Variants in ZNF425 observed in about 807,000 individuals in gnomAD.
ZNF425 encodes zinc finger protein 425.
ZNF425 carries 21 observed loss-of-function variants against 17.0 expected under a neutral mutation model. The ratio of observed to expected loss-of-function variants is 1.23; its 90% CI spans 0.88 to 1.78. ZNF425 has a LOEUF of 1.78. Among genes scored for constraint, ZNF425 ranks in the 40% most tolerant of loss-of-function variants. The pLI is 0.00. For missense variants in ZNF425, 868 were observed against 967.3 expected (o/e 0.90, Z 1.36); for synonymous variants, 433 against 384.1 (o/e 1.13, Z -1.49).
At chr7:149,120,314 G>A (rs182664723) in intron 1 of ZNF425, among the ~76,000 whole-genome samples, 2 of 152,278 alleles carry the variant, frequency 1.3e-5, no homozygotes, top group East Asian at 1.9e-4. Flanking sequence ...CCTGGGAGGC[G>A]TAGTTGGCAG....
At chr7:149,122,548 AATTT>A (rs1041549113) in intron 1 of ZNF425, among the ~76,000 whole-genome samples, 71 of 152,194 alleles carry the variant, frequency 4.7e-4, no homozygotes, top group African/African-American at 1.6e-3. Context: ...GATTATGTCC[AATTT>A]ATCACTTTTT....
rs1826062695 is a variant in ZNF425, at chr7:149,105,296, C to T, written c.575G>A (p.Cys192Tyr). The stretch of plus-strand genomic sequence containing the variant: ...TTGGAAGACTTTCCTACAGACATAG[C>T]AGGAATAGCATCTTGGCCCTGTGGG... The part of the protein sequence containing the change: ...EIPTGPRCYS[C>Y]YVCRKVFQVR... Residue 192 changes from cysteine (C) to tyrosine (Y), a missense_variant, in exon 4 of 4, where the codon TGC becomes TAC. Physicochemically the swap from Cys to Tyr is radical, Grantham distance 194. Coordinates refer to ENST00000378061, the MANE Select transcript of ZNF425 (RefSeq NM_001001661.3). 1 of 1,614,048 alleles carries T rather than the reference C, an allele frequency of 6.2e-7. No homozygotes were observed. The highest frequency in any genetic ancestry group is 1.1e-5 in the South Asian group (1 of 91,090).
chr7:149,124,461 G>A (rs1415260566), intron 1 of ZNF425, among the ~76,000 whole-genome samples: 1 of 152,130 alleles, frequency 6.6e-6, no homozygotes, highest in Non-Finnish European at 1.5e-5. Flanking sequence ...GGATGGCCTT[G>A]TTATTTTTAC....
At chr7:149,121,079 C>CTTTTT (rs75534831) in intron 1 of ZNF425, among the ~76,000 whole-genome samples, 40 of 62,782 alleles carry the variant, frequency 6.4e-4, no homozygotes, top group African/African-American at 1.0e-3. Context: ...TTTTACATTC[C>CTTTTT]TTTTTTTTTT....
chr7:149,108,018 A>G (rs111784615), intron 3 of ZNF425, among the ~76,000 whole-genome samples: 6,787 of 151,926 alleles, frequency 0.045, 512 homozygotes, highest in African/African-American at 0.15. Context: ...CTACAGGCAC[A>G]CACCATCATG....
chr7:149,104,835 T>TCATG lies in ZNF425; in HGVS notation c.1032_1035dup (p.Lys346HisfsTer46). ...CCGCTGTGCTGGGTCAGATGGACCTTCATGCCCCTCTTCAGGCGGAAGCAC... is the reference window on the plus strand; with the variant it reads ...CCGCTGTGCTGGGTCAGATGGACCTTCATGCATGCCCCTCTTCAGGCGGAAGCAC... On this transcript the variant is annotated frameshift_variant, in exon 4 of 4. Coordinates refer to ENST00000378061, the MANE Select transcript of ZNF425 (RefSeq NM_001001661.3). LOFTEE classifies it low-confidence loss of function (END_TRUNC). This position sits in a 1 kb window ranked among gnomAD's most constrained non-coding sequence, Gnocchi z 4.3. The TCATG allele has an allele frequency of 6.2e-7, 1 of 1,613,904 alleles. No individual in the cohort carries two copies. Among genetic ancestry groups the TCATG allele is most frequent in the Non-Finnish European group, 8.5e-7 (1 of 1,179,998 alleles).
In ZNF425 at chr7:149,103,599, T is replaced by C. The variant is rs193003122; in HGVS notation, c.*13A>G. ...TCCTGAAAGCCGACTGCGTGACTGCTGCATGGCCTGACCTAGAGGCTGGAG... is the reference window on the plus strand; with the variant it reads ...TCCTGAAAGCCGACTGCGTGACTGCCGCATGGCCTGACCTAGAGGCTGGAG... On this transcript the variant is annotated 3_prime_UTR_variant, in exon 4 of 4. Coordinates refer to ENST00000378061, the MANE Select transcript of ZNF425 (RefSeq NM_001001661.3). 1 of 1,577,434 alleles carries C rather than the reference T, an allele frequency of 6.3e-7. No homozygotes were observed. The highest frequency in any genetic ancestry group is 2.2e-5 in the East Asian group (1 of 44,722).
intron 3 of ZNF425, among the ~76,000 whole-genome samples, chr7:149,108,249 T>C (rs1309066766): frequency 6.6e-6 from 1 of 152,100 alleles, no homozygotes; most frequent in Admixed American, 6.6e-5. Flanking sequence ...TTTCACCATG[T>C]TGGCATTTTT....
intron 2 of ZNF425, chr7:149,113,170 T>C (rs1226830345): frequency 6.6e-6 from 1 of 151,492 alleles, no homozygotes; most frequent in Non-Finnish European, 1.5e-5. Flanking sequence ...AGACAGGGTT[T>C]CACCATGTTG....
At chr7:149,108,011 C>T (rs1826109783) in intron 3 of ZNF425, among the ~76,000 whole-genome samples, 2 of 151,992 alleles carry the variant, frequency 1.3e-5, no homozygotes, top group Admixed American at 6.6e-5. Flanking sequence ...GCTGGGACTA[C>T]AGGCACACAC....
chr7:149,118,236 GT>G lies in ZNF425; in HGVS notation c.130del (p.Thr44ProfsTer14), dbSNP rs763921614. On this transcript the variant is annotated frameshift_variant, in exon 2 of 4. Transcript: ENST00000378061. LOFTEE classifies it high-confidence loss of function. ...GCTCATCTTACCCAGGGAATCAAGG[GT>G]CTCGTAATTGGTCTTCATCTCTTGC... is the stretch of plus-strand genomic sequence containing the variant. ...YKQEMKTNYE[T>X]LDSLGYAFSK... 2 of 1,614,008 alleles carry G rather than the reference GT, an allele frequency of 1.2e-6. No homozygotes were observed. The highest frequency in any genetic ancestry group is 4.5e-5 in the East Asian group (2 of 44,870).
At chr7:149,119,272 G>T (rs1322891174) in intron 1 of ZNF425, among the ~76,000 whole-genome samples, 1 of 151,980 alleles carries the variant, frequency 6.6e-6, no homozygotes, top group African/African-American at 2.4e-5. Flanking sequence ...CACCATGCCT[G>T]GTTCGAGAGA....
In ZNF425 at chr7:149,105,027, T is replaced by C. The variant is rs1260588412; in HGVS notation, c.844A>G (p.Thr282Ala). The part of the protein sequence containing the change: ...RPYPCPECDK[T>A]FRYRANLKKH... ...TTCAGGTTGGCCCTGTACCGGAAGG[T>C]CTTGTCGCACTCAGGGCATGGGTAG... The change falls in exon 4 of 4, where the codon ACC becomes GCC. Residue 282 changes from threonine (T) to alanine (A), a missense_variant. By Grantham distance (58) the Thr-to-Ala change is moderately conservative. Around this residue, in one of 5 missense-constraint regions of ZNF425, gnomAD observed 243 missense variants for 265.2 expected, o/e 0.92. Coordinates refer to ENST00000378061, the MANE Select transcript of ZNF425 (RefSeq NM_001001661.3). 6.2e-7 allele frequency: 1 copy of C among 1,614,012 alleles called. No individual in the cohort carries two copies. The highest frequency in any genetic ancestry group is 1.7e-5 in the Admixed American group (1 of 59,990).
intron 2 of ZNF425, among the ~76,000 whole-genome samples, chr7:149,114,012 TAAAAAAA>T (rs35168465): frequency 8.3e-6 from 1 of 120,606 alleles, no homozygotes; most frequent in Non-Finnish European, 1.7e-5. Context: ...AGACTCTGTC[TAAAAAAA>T]AAAAAAAAAA....
intron 1 of ZNF425, among the ~76,000 whole-genome samples, chr7:149,124,090 G>A (rs1175268339): frequency 7.9e-5 from 12 of 151,236 alleles, no homozygotes; most frequent in South Asian, 2.1e-4. Context: ...CTCGTGATCC[G>A]CCCGGCTCGG....
chr7:149,109,613 T>C (rs189720222), intron 3 of ZNF425, among the ~76,000 whole-genome samples: 23 of 152,306 alleles, frequency 1.5e-4, no homozygotes, highest in Admixed American at 1.3e-3. Flanking sequence ...TCATATGCAA[T>C]CTTATTTTAT....
At chr7:149,122,233 T>C (rs1309563745) in intron 1 of ZNF425, among the ~76,000 whole-genome samples, 1 of 151,876 alleles carries the variant, frequency 6.6e-6, no homozygotes, top group East Asian at 1.9e-4. Flanking sequence ...CTCCCGGCCA[T>C]CTTTTGCCCA....
At chr7:149,118,154 T>C (rs1826296032) in intron 2 of ZNF425, 68 bp downstream of exon 2, 1 of 1,592,266 alleles carries the variant, frequency 6.3e-7, no homozygotes, top group Non-Finnish European at 8.6e-7. Flanking sequence ...CCACGGCTCA[T>C]ACAGGGAAGG....
Position 149,103,837 on chromosome 7 carries a change from CCT to C in ZNF425, c.2032_2033del (p.Arg678GlyfsTer9), listed in dbSNP as rs1563144112. 1 of 1,613,454 alleles carries C rather than the reference CCT, an allele frequency of 6.2e-7. No individual in the cohort carries two copies. On this transcript the variant is annotated frameshift_variant, in exon 4 of 4. Transcript: ENST00000378061. LOFTEE classifies it low-confidence loss of function (END_TRUNC). ...CPECDKSYCIRGSLKVHLYKH... is the reference protein window; with the variant it reads ...CPECDKSYCIXGSLKVHLYKH... ...TATACAAGTGGACCTTCAAGCTGCC[CCT>C]GATGCAGTAGCTCTTGTCACACTCC...
Sources: allele counts gnomAD v4.1 joint callset (sites outside exome capture counted in the v4.1 genomes callset), GRCh38; gene constraint gnomAD v4.1.1; regional missense constraint gnomAD v4.1.1; non-coding constraint Gnocchi (gnomAD v3.1); transcripts MANE v1.5; gene names NCBI Gene and HGNC (gene_info 2026-07-23, HGNC 2026-07-21).